Variants in C5AR1 observed in about 807,000 individuals in gnomAD.
The protein encoded by C5AR1 is C5a anaphylatoxin chemotactic receptor 1.
Under a neutral mutation model 2.4 loss-of-function variants are expected in C5AR1, and 4 were observed. That is an observed-to-expected ratio of 1.65 (90% CI 0.81 to 3.77). C5AR1 has a LOEUF of 3.77. C5AR1 is among the 30% of genes most tolerant of loss of function. The pLI, the probability that C5AR1 is intolerant of heterozygous loss-of-function variation, is 0.01. For missense variants in C5AR1, 418 were observed against 462.5 expected (o/e 0.90, Z 0.88); for synonymous variants, 209 against 210.4 (o/e 0.99, Z 0.06).
At chr19:47,312,861 G>A (rs1312789245) in intron 1 of C5AR1, among the ~76,000 whole-genome samples, 1 of 151,996 alleles carries the variant, frequency 6.6e-6, no homozygotes, top group African/African-American at 2.4e-5. Flanking sequence ...TAGAGGTGGG[G>A]TCTTGCTATG....
In C5AR1 at chr19:47,318,902, T is replaced by TG. The variant is rs1453880398; in HGVS notation, c.4-879_4-878insG. Among the ~76,000 whole-genome samples, 500 of 148,954 alleles carry TG rather than the reference T, an allele frequency of 3.4e-3. 3 individuals carry two copies. Among genetic ancestry groups the TG allele is most frequent in the African/African-American group, 0.012 (479 of 40,354 alleles). ...TTCTATTTTTTTTTTTTTTTTTTTT[T>TG]TTAGATGGAGTCTCACTCTGTTACC... On this transcript the variant is annotated intron_variant, in intron 1 of 1. Coordinates refer to ENST00000355085, the MANE Select transcript of C5AR1 (RefSeq NM_001736.4).
chr19:47,316,888 A>C (rs984418065), intron 1 of C5AR1, among the ~76,000 whole-genome samples: 3 of 151,950 alleles, frequency 2.0e-5, no homozygotes, highest in Non-Finnish European at 4.4e-5. Flanking sequence ...AAAAAAAAAA[A>C]CAAAACTATC....
chr19:47,320,921 GTTACC>G lies in C5AR1; in HGVS notation c.*95_*99del. 1 of 1,164,130 alleles carries G rather than the reference GTTACC, an allele frequency of 8.6e-7. No homozygotes were observed. The allele number at this position is 1,164,130 out of a possible 1,614,324, so 72.1% of individuals were successfully genotyped here. A position where few individuals can be genotyped will look rare whatever the true frequency, so the allele number is the denominator to read the frequency against. On this transcript the variant is annotated 3_prime_UTR_variant, in exon 2 of 2. Transcript: ENST00000355085. The surrounding 1 kb of genome is among the most constrained non-coding windows in gnomAD (Gnocchi z 4.9). The stretch of plus-strand genomic sequence containing the variant: ...TTCACTTCACTTTTCGTGGGATGGT[GTTACC>G]TTAGCTAACTAACTCTCCTCCATGT...
At chr19:47,317,826 C>G (rs1309468526) in intron 1 of C5AR1, among the ~76,000 whole-genome samples, 1 of 151,602 alleles carries the variant, frequency 6.6e-6, no homozygotes, top group African/African-American at 2.4e-5. Flanking sequence ...ACTAAAAATA[C>G]AAAAATTAGC....
chr19:47,319,103 C>G (rs894116412), intron 1 of C5AR1, among the ~76,000 whole-genome samples: 4 of 151,190 alleles, frequency 2.6e-5, no homozygotes, highest in Admixed American at 2.0e-4. Flanking sequence ...TCAGGCTGAT[C>G]TTCAACTCCT....
chr19:47,317,844 G>A (rs1333906267), intron 1 of C5AR1, among the ~76,000 whole-genome samples: 3 of 151,930 alleles, frequency 2.0e-5, no homozygotes, highest in Non-Finnish European at 4.4e-5. Flanking sequence ...AGCAGGGTGT[G>A]GTGGCAGGTG....
Position 47,321,627 on chromosome 19 carries a change from A to C in C5AR1, c.*797A>C, listed in dbSNP as rs1231293774. The C allele has an allele frequency of 1.3e-5, 2 of 152,156 alleles. No homozygotes were observed. The highest frequency in any genetic ancestry group is 2.4e-5 in the African/African-American group (1 of 41,436). 9.4% of individuals were successfully genotyped at this position (152,156 alleles called of 1,614,324 possible). A position where few individuals can be genotyped will look rare whatever the true frequency, so the allele number is the denominator to read the frequency against. ...CTGTCTCAAAAGCAAAGCAAAAACAAAAACAAAAACACCTAAAAAACCTGC... is the reference window on the plus strand; with the variant it reads ...CTGTCTCAAAAGCAAAGCAAAAACACAAACAAAAACACCTAAAAAACCTGC... On this transcript the variant is annotated 3_prime_UTR_variant, in exon 2 of 2. Coordinates refer to ENST00000355085, the MANE Select transcript of C5AR1 (RefSeq NM_001736.4).
chr19:47,309,194 T>C (rs1019050101), upstream of C5AR1, among the ~76,000 whole-genome samples: 3 of 152,128 alleles, frequency 2.0e-5, no homozygotes, highest in Non-Finnish European at 4.4e-5. Context: ...TTACAGTCTC[T>C]GCTTTCTTGA....
chr19:47,315,160 G>C (rs965165941), intron 1 of C5AR1, among the ~76,000 whole-genome samples: 3 of 152,192 alleles, frequency 2.0e-5, no homozygotes, highest in Admixed American at 1.3e-4. Context: ...TAGGATTACA[G>C]GCATGAGCCA....
intron 1 of C5AR1, among the ~76,000 whole-genome samples, chr19:47,310,675 C>T (rs78633862): frequency 0.047 from 7,127 of 152,154 alleles, 225 homozygotes; most frequent in East Asian, 0.094. Flanking sequence ...AATTTTTATT[C>T]TTGTAGAGAT....
intron 1 of C5AR1, among the ~76,000 whole-genome samples, chr19:47,318,414 C>G (rs2059296878): frequency 6.6e-6 from 1 of 152,002 alleles, no homozygotes; most frequent in Non-Finnish European, 1.5e-5. Context: ...CTGCCTCAGC[C>G]TCCCGAGTAG....
intron 1 of C5AR1, among the ~76,000 whole-genome samples, chr19:47,315,343 G>A (rs928134608): frequency 3.3e-5 from 5 of 152,140 alleles, no homozygotes; most frequent in Non-Finnish European, 7.3e-5. Flanking sequence ...TGAAGATCCC[G>A]GAAACCACAG....
Position 47,320,287 on chromosome 19 carries a change from C to T in C5AR1, c.510C>T (p.Pro170=), listed in dbSNP as rs1445398182. ...AWGLALLLTI[P]SFLYRVVREE... Reference sequence around the variant, plus strand: ...GTTTAGCCCTGCTGCTGACCATACCCTCCTTCCTGTACCGGGTGGTCCGGG... The same window carrying T: ...GTTTAGCCCTGCTGCTGACCATACCTTCCTTCCTGTACCGGGTGGTCCGGG... The change falls in exon 2 of 2, where the codon CCC becomes CCT. Residue 170 remains proline, a synonymous_variant. Coordinates refer to ENST00000355085, the MANE Select transcript of C5AR1 (RefSeq NM_001736.4). This position sits in a 1 kb window ranked among gnomAD's most constrained non-coding sequence, Gnocchi z 4.9. 2 of 1,612,944 alleles carry T rather than the reference C, an allele frequency of 1.2e-6. No homozygotes were observed. Among genetic ancestry groups the T allele is most frequent in the African/African-American group, 1.3e-5 (1 of 75,062 alleles).
chr19:47,315,277 TA>T (rs1396823888), intron 1 of C5AR1, among the ~76,000 whole-genome samples: 1 of 152,208 alleles, frequency 6.6e-6, no homozygotes, highest in Non-Finnish European at 1.5e-5. Context: ...ACATGTCAGT[TA>T]TTTCCAGTCT....
At chr19:47,314,511 C>T (rs2059279955) in intron 1 of C5AR1, among the ~76,000 whole-genome samples, 2 of 152,022 alleles carry the variant, frequency 1.3e-5, no homozygotes, top group Non-Finnish European at 2.9e-5. Context: ...GATTCTTCTG[C>T]CTCAGCCTCC....
rs1443655240 is a variant in C5AR1 at position 47,320,049 on chromosome 19, T to C, written c.272T>C (p.Ile91Thr). The C allele has an allele frequency of 1.9e-6, 3 of 1,614,190 alleles. No individual in the cohort carries two copies. The East Asian group carries it at 6.7e-5, about 36-fold the overall frequency. Residue 91 changes from isoleucine (I) to threonine (T), a missense_variant, in exon 2 of 2, where the codon ATC becomes ACC. Coordinates refer to ENST00000355085, the MANE Select transcript of C5AR1 (RefSeq NM_001736.4). The surrounding 1 kb of genome is among the most constrained non-coding windows in gnomAD (Gnocchi z 4.9). ...TTCCTCTCCTGCCTGGCGCTGCCCA[T>C]CTTGTTCACGTCCATTGTACAGCAT... is the stretch of plus-strand genomic sequence containing the variant. ...ADFLSCLALP[I>T]LFTSIVQHHH...
At chr19:47,319,714 C>A in intron 1 of C5AR1, 67 bp from the exon 2 acceptor site, 1 of 1,026,834 alleles carries the variant, frequency 9.7e-7, no homozygotes, top group Non-Finnish European at 1.5e-6. Context: ...ATGCCTGAGC[C>A]AGGATGCCCC....
chr19:47,311,698 G>A (rs983277379), intron 1 of C5AR1, among the ~76,000 whole-genome samples: 1 of 152,054 alleles, frequency 6.6e-6, no homozygotes, highest in Non-Finnish European at 1.5e-5. Context: ...CCGACTAGGT[G>A]GGATTACAGG....
Position 47,320,484 on chromosome 19 carries a change from G to A in C5AR1, c.707G>A (p.Arg236Gln), listed in dbSNP as rs769789450. The part of the protein sequence containing the change: ...LLRTWSRRAT[R>Q]STKTLKVVVA... ...CGGACGTGGAGCCGCAGGGCCACGCGGTCCACCAAGACACTCAAGGTGGTG... is the reference window on the plus strand; with the variant it reads ...CGGACGTGGAGCCGCAGGGCCACGCAGTCCACCAAGACACTCAAGGTGGTG... The change falls in exon 2 of 2, where the codon CGG becomes CAG. Residue 236 changes from arginine to glutamine, a missense_variant. Arg to Gln is a conservative substitution (Grantham distance 43). Coordinates refer to ENST00000355085, the MANE Select transcript of C5AR1 (RefSeq NM_001736.4). This position sits in a 1 kb window ranked among gnomAD's most constrained non-coding sequence, Gnocchi z 4.9. 1.3e-5 allele frequency: 21 copies of A among 1,613,490 alleles called. 1 individual carries two copies. The Admixed American group carries it at 1.8e-4, about 14-fold the overall frequency.
Sources: allele counts gnomAD v4.1 joint callset (sites outside exome capture counted in the v4.1 genomes callset), GRCh38; gene constraint gnomAD v4.1.1; non-coding constraint Gnocchi (gnomAD v3.1); transcripts MANE v1.5; gene names NCBI Gene and HGNC (gene_info 2026-07-23, HGNC 2026-07-21).